The following LHFPL6 variants were observed in gnomAD, a reference collection of about 807,000 sequenced individuals.
The protein encoded by LHFPL6 is LHFPL tetraspan subfamily member 6.
Under a neutral mutation model 20.6 loss-of-function variants are expected in LHFPL6, and 9 were observed. The ratio of observed to expected loss-of-function variants is 0.44; its 90% confidence interval spans 0.26 to 0.76. The LOEUF (loss-of-function observed/expected upper bound fraction) is 0.76, where lower values mean the gene tolerates loss of function less well. Ranked by LOEUF, LHFPL6 falls within the 30% of genes least tolerant of loss-of-function variation. The pLI is 0.20. For missense variants in LHFPL6, 218 were observed against 253.5 expected, an observed-to-expected ratio of 0.86 and a Z score of 0.95; for synonymous variants, 105 against 98.7, an observed-to-expected ratio of 1.06 and a Z score of -0.38.
At chr13:39,454,320 C>G (rs1458034923) in intron 2 of LHFPL6, among the ~76,000 whole-genome samples, 1 of 152,214 alleles carries the variant, frequency 6.6e-6, no homozygotes, top group Non-Finnish European at 1.5e-5. Flanking sequence ...TTTCTTCTCT[C>G]TAACGTTTCC....
At chr13:39,522,906 A>T (rs1447437136) in intron 2 of LHFPL6, among the ~76,000 whole-genome samples, 1 of 152,246 alleles carries the variant, frequency 6.6e-6, no homozygotes, top group Non-Finnish European at 1.5e-5. Flanking sequence ...GATTAGATGG[A>T]TTCATAGCTG....
intron 2 of LHFPL6, among the ~76,000 whole-genome samples, chr13:39,468,788 G>A (rs1281561225): frequency 4.0e-5 from 6 of 151,798 alleles, no homozygotes; most frequent in Non-Finnish European, 5.9e-5. Context: ...TGTTTTTAAT[G>A]TATCGAAAAC....
chr13:39,434,224 C>A (rs1368802705), intron 2 of LHFPL6, among the ~76,000 whole-genome samples: 3 of 152,204 alleles, frequency 2.0e-5, no homozygotes, highest in Admixed American at 1.3e-4. Context: ...GGTACTATAT[C>A]AGGCACTTTC....
chr13:39,558,392 T>C (rs1359475580), intron 2 of LHFPL6, among the ~76,000 whole-genome samples: 1 of 152,234 alleles, frequency 6.6e-6, no homozygotes. Context: ...AGGTGTTAAT[T>C]ACCCTTTCTC....
At chr13:39,448,690 A>C (rs939142379) in intron 2 of LHFPL6, among the ~76,000 whole-genome samples, 2 of 152,250 alleles carry the variant, frequency 1.3e-5, no homozygotes, top group South Asian at 2.1e-4. Flanking sequence ...ACCATCATTC[A>C]TGAGAGAACT....
At chr13:39,541,399 G>C (rs185900839) in intron 2 of LHFPL6, among the ~76,000 whole-genome samples, 1 of 152,278 alleles carries the variant, frequency 6.6e-6, no homozygotes, top group Non-Finnish European at 1.5e-5. Flanking sequence ...GCTCTCCACA[G>C]GCCCTCCCCT....
intron 2 of LHFPL6, among the ~76,000 whole-genome samples, chr13:39,417,149 T>C (rs575010262): frequency 6.6e-6 from 1 of 152,318 alleles, no homozygotes; most frequent in Non-Finnish European, 1.5e-5. Flanking sequence ...TTTTCTCTTC[T>C]TTGGAATCAT....
At chr13:39,537,411 T>C (rs1475282337) in intron 2 of LHFPL6, among the ~76,000 whole-genome samples, 2 of 152,214 alleles carry the variant, frequency 1.3e-5, no homozygotes, top group African/African-American at 4.8e-5. Flanking sequence ...GGTCCCAGCA[T>C]GTGTCTGCCT....
intron 2 of LHFPL6, among the ~76,000 whole-genome samples, chr13:39,422,132 A>G (rs1566107688): frequency 6.6e-6 from 1 of 152,194 alleles, no homozygotes; most frequent in Non-Finnish European, 1.5e-5. Context: ...TTCTAGCCTT[A>G]TTTGTTAATC....
intron 2 of LHFPL6, among the ~76,000 whole-genome samples, chr13:39,543,476 C>T (rs1373081611): frequency 1.3e-5 from 2 of 152,114 alleles, no homozygotes; most frequent in Non-Finnish European, 2.9e-5. Context: ...AATTAACAGC[C>T]GTTTATTAGT....
chr13:39,524,606 G>A (rs1235229330), intron 2 of LHFPL6, among the ~76,000 whole-genome samples: 5 of 152,096 alleles, frequency 3.3e-5, no homozygotes, highest in Admixed American at 1.3e-4. Context: ...AGAGGTATCC[G>A]GTCATTTATA....
intron 2 of LHFPL6, among the ~76,000 whole-genome samples, chr13:39,402,115 A>C (rs1007497844): frequency 4.6e-5 from 7 of 152,214 alleles, no homozygotes; most frequent in Non-Finnish European, 7.3e-5. Context: ...AATACCTCAT[A>C]ATATTTTTGA....
At chr13:39,368,897 C>T (rs752344326) in intron 3 of LHFPL6, among the ~76,000 whole-genome samples, 5 of 152,098 alleles carry the variant, frequency 3.3e-5, no homozygotes, top group Non-Finnish European at 7.3e-5. Flanking sequence ...ACAACAGAGC[C>T]ACTAATGATA....
At chr13:39,392,776 C>T (rs1449553691) in intron 2 of LHFPL6, among the ~76,000 whole-genome samples, 1 of 151,750 alleles carries the variant, frequency 6.6e-6, no homozygotes, top group Non-Finnish European at 1.5e-5. Flanking sequence ...GCACGAGATA[C>T]ATTTTAAGGT....
chr13:39,560,504 C>CTTTTTTTTTTTTT (rs376446144), intron 2 of LHFPL6, among the ~76,000 whole-genome samples: 10 of 118,180 alleles, frequency 8.5e-5, no homozygotes, highest in Non-Finnish European at 1.0e-4. Context: ...TGCAAATTCT[C>CTTTTTTTTTTTTT]TTTTTTTTTT....
Position 39,402,777 on chromosome 13 carries a change from A to G in LHFPL6, c.386-24251T>C, listed in dbSNP as rs150458584. On this transcript the variant is annotated intron_variant, in intron 2 of 3. Coordinates refer to ENST00000379589, the MANE Select transcript of LHFPL6 (RefSeq NM_005780.3). ...TGGAAATGGAGAAGGCTTCATAAAT[A>G]TCTCTGCTATTGAGAATGGCATAAA... is the stretch of plus-strand genomic sequence containing the variant. Among the ~76,000 whole-genome samples, 10 of 152,334 alleles carry G rather than the reference A, an allele frequency of 6.6e-5. No individual in the cohort carries two copies. The East Asian group carries it at 1.9e-3, about 29-fold the overall frequency.
chr13:39,455,280 G>T (rs114812641), intron 2 of LHFPL6, among the ~76,000 whole-genome samples: 6,046 of 152,126 alleles, frequency 0.04, 397 homozygotes, highest in African/African-American at 0.14. Context: ...CAGCCGGGCC[G>T]GCGGCAACCC....
intron 2 of LHFPL6, among the ~76,000 whole-genome samples, chr13:39,537,688 A>C (rs994944647): frequency 1.3e-5 from 2 of 152,144 alleles, no homozygotes; most frequent in Admixed American, 1.3e-4. Context: ...CCTCTACTTA[A>C]AAGGAAAGAA....
intron 2 of LHFPL6, among the ~76,000 whole-genome samples, chr13:39,457,220 G>GA (rs1872592660): frequency 6.6e-6 from 1 of 152,156 alleles, no homozygotes; most frequent in African/African-American, 2.4e-5. Flanking sequence ...CATACTAGGA[G>GA]AAAATCTTTG....
Sources: allele counts gnomAD v4.1 joint callset (sites outside exome capture counted in the v4.1 genomes callset), GRCh38; gene constraint gnomAD v4.1.1; transcripts MANE v1.5; gene names NCBI Gene and HGNC (gene_info 2026-07-23, HGNC 2026-07-21).